MTHFS: variants seen among roughly 807,000 people sequenced by gnomAD.
The protein encoded by MTHFS is methenyltetrahydrofolate synthetase, also known as 5-formyltetrahydrofolate cyclo-ligase.
In MTHFS, 7 loss-of-function variants were observed where a neutral mutation model predicts 12.7. That is an observed-to-expected ratio of 0.55 (90% confidence interval 0.31 to 1.03). The LOEUF (loss-of-function observed/expected upper bound fraction) is 1.03. Among genes scored for constraint, MTHFS ranks in the 50% least tolerant of loss-of-function variants. MTHFS has a pLI of 0.05. For missense variants in MTHFS, 252 were observed against 258.1 expected (o/e 0.98, Z 0.16); for synonymous variants, 100 against 97.1 (o/e 1.03, Z -0.18).
At position 79,864,840 on chromosome 15, in the gene MTHFS, C is replaced by T. The variant is rs546335501; in HGVS notation, c.380-19398G>A. 1.1e-4 allele frequency among the ~76,000 whole-genome samples: 17 copies of T among 152,266 alleles called. No homozygotes were observed. In the East Asian group the frequency reaches 1.7e-3, roughly 16 times the overall value. On this transcript the variant is annotated intron_variant, in intron 2 of 2. Coordinates refer to ENST00000258874, the MANE Select transcript of MTHFS (RefSeq NM_006441.4). Reference sequence around the variant, plus strand: ...ACATAATTGATCACTGGGCTCAGCTCCTGATTTTCATTTGCCTAATTCTGA... The same window carrying T: ...ACATAATTGATCACTGGGCTCAGCTTCTGATTTTCATTTGCCTAATTCTGA...
chr15:79,894,217 C>T (rs2034525934), intron 1 of MTHFS, among the ~76,000 whole-genome samples: 2 of 152,074 alleles, frequency 1.3e-5, no homozygotes, highest in African/African-American at 4.8e-5. Flanking sequence ...CCCGTCTCTA[C>T]TAAAAATAGA....
intron 2 of MTHFS, among the ~76,000 whole-genome samples, chr15:79,857,655 C>T (rs1241617377): frequency 1.3e-5 from 2 of 152,100 alleles, no homozygotes; most frequent in African/African-American, 4.8e-5. Context: ...TTCCAAGTGC[C>T]TTTTCACTGC....
intron 1 of MTHFS, among the ~76,000 whole-genome samples, chr15:79,892,820 G>A (rs28600988): frequency 0.022 from 3,379 of 152,008 alleles, 120 homozygotes; most frequent in African/African-American, 0.077. Flanking sequence ...GCATAGTGGC[G>A]CGCACCTGTA....
At chr15:79,884,589 G>A (rs533853841) in intron 2 of MTHFS, among the ~76,000 whole-genome samples, 17 of 152,286 alleles carry the variant, frequency 1.1e-4, no homozygotes, top group African/African-American at 4.1e-4. Context: ...TGGAATTAGA[G>A]AAAGACAGGT....
At chr15:79,858,211 G>A (rs1179226714) in intron 2 of MTHFS, among the ~76,000 whole-genome samples, 1 of 152,058 alleles carries the variant, frequency 6.6e-6, no homozygotes, top group Non-Finnish European at 1.5e-5. Context: ...TGCCCTCTAG[G>A]ACCTAACAAC....
At chr15:79,894,350 C>A (rs1465197900) in intron 1 of MTHFS, among the ~76,000 whole-genome samples, 1 of 152,048 alleles carries the variant, frequency 6.6e-6, no homozygotes, top group African/African-American at 2.4e-5. Context: ...CACCGCACTC[C>A]AGCCTGGGCG....
intron 2 of MTHFS, among the ~76,000 whole-genome samples, chr15:79,870,656 T>C (rs996986933): frequency 5.9e-5 from 9 of 152,122 alleles, no homozygotes; most frequent in Non-Finnish European, 5.9e-5. Context: ...AAAGAAGATA[T>C]GCTATAACAG....
chr15:79,864,547 C>CAAAAAAAAAAAAAAAAAAA (rs58698908), intron 2 of MTHFS, among the ~76,000 whole-genome samples: 3 of 64,512 alleles, frequency 4.7e-5, no homozygotes, highest in African/African-American at 1.5e-4. Context: ...TCCATCTCAA[C>CAAAAAAAAAAAAAAAAAAA]AAAAAAAAAA....
At chr15:79,845,480 T>C (rs2033596217) in intron 2 of MTHFS, 38 bp from the exon 3 acceptor site, 4 of 1,590,170 alleles carry the variant, frequency 2.5e-6, no homozygotes. Flanking sequence ...GGATTAATTG[T>C]TTCTGAAAGA....
chr15:79,892,466 T>G (rs1402027162), intron 1 of MTHFS, among the ~76,000 whole-genome samples: 5 of 152,148 alleles, frequency 3.3e-5, no homozygotes, highest in Non-Finnish European at 7.4e-5. Context: ...ATACAGAAAT[T>G]AGAAATATGC....
rs142864186 is a variant in MTHFS, at chr15:79,887,147, C to A, written c.379+1946G>T. Among the ~76,000 whole-genome samples, 9 of 152,244 alleles carry A rather than the reference C, an allele frequency of 5.9e-5. No homozygotes were observed. The East Asian group carries it at 1.4e-3, about 23-fold the overall frequency. ...TACTGAGGCAGGAGAATCACTTGAACCCAGGCGGTGGAAGTTGCAGTGAGC... is the reference window on the plus strand; with the variant it reads ...TACTGAGGCAGGAGAATCACTTGAAACCAGGCGGTGGAAGTTGCAGTGAGC... On this transcript the variant is annotated intron_variant, in intron 2 of 2. Transcript: ENST00000258874.
chr15:79,853,801 T>C (rs978590504), intron 2 of MTHFS, among the ~76,000 whole-genome samples: 1 of 152,238 alleles, frequency 6.6e-6, no homozygotes, highest in African/African-American at 2.4e-5. Context: ...ACACGTGTGA[T>C]AGGAAAGCAT....
Position 79,848,956 on chromosome 15 carries a change from T to C in MTHFS, c.380-3514A>G, listed in dbSNP as rs962364619. 2.6e-5 allele frequency among the ~76,000 whole-genome samples: 4 copies of C among 152,160 alleles called. No individual in the cohort carries two copies. The East Asian group carries it at 7.7e-4, about 29-fold the overall frequency. On this transcript the variant is annotated intron_variant, in intron 2 of 2. Coordinates refer to ENST00000258874, the MANE Select transcript of MTHFS (RefSeq NM_006441.4). ...AGCATGACATCCTCTATTTTAATAA[T>C]TCCGAAGTACATAAATTTGGCTCAA...
chr15:79,847,998 T>G (rs1409866337), intron 2 of MTHFS, among the ~76,000 whole-genome samples: 11 of 152,222 alleles, frequency 7.2e-5, no homozygotes, highest in Admixed American at 7.2e-4. Context: ...ATCCCACTTC[T>G]GGGTATTTAT....
Position 79,883,145 on chromosome 15 carries a change from A to G in MTHFS, c.379+5948T>C, listed in dbSNP as rs867626819. On this transcript the variant is annotated intron_variant, in intron 2 of 2. Coordinates refer to ENST00000258874, the MANE Select transcript of MTHFS (RefSeq NM_006441.4). ...CTTGAGCCCAGAAGTTCAAGGTTAC[A>G]GTTAGCTATGATTACACCCCTGCAC... Among the ~76,000 whole-genome samples the G allele has an allele frequency of 3.3e-5, 5 of 152,358 alleles. No homozygotes were observed. In the Middle Eastern group the frequency reaches 0.014, roughly 415 times the overall value.
chr15:79,880,086 T>A (rs2034270582), intron 2 of MTHFS, among the ~76,000 whole-genome samples: 1 of 152,194 alleles, frequency 6.6e-6, no homozygotes, highest in Non-Finnish European at 1.5e-5. Context: ...TTTTTTCTTT[T>A]TAAGACGGAG....
chr15:79,871,963 G>A (rs548476984), intron 2 of MTHFS, among the ~76,000 whole-genome samples: 1 of 151,804 alleles, frequency 6.6e-6, no homozygotes, highest in East Asian at 1.9e-4. Flanking sequence ...AAATTAGCCG[G>A]GCATGGTGGT....
At position 79,896,872 on chromosome 15, in the gene MTHFS, C is replaced by T; in HGVS notation, c.117G>A (p.Lys39=). The T allele has an allele frequency of 1.3e-6, 2 of 1,542,880 alleles. No homozygotes were observed. Among genetic ancestry groups the T allele is most frequent in the South Asian group, 1.2e-5 (1 of 84,040 alleles). Reference sequence around the variant, plus strand: ...GCTTCCGCTACGGGCGGCCTCGCACCTTCTGGCTCAGTACGCGGGACTGGC... The same window carrying T: ...GCTTCCGCTACGGGCGGCCTCGCACTTTCTGGCTCAGTACGCGGGACTGGC... ...RLRQSRVLSQ[K]VIAHSEYQKS... is the part of the protein sequence containing the mutation. The change falls in exon 1 of 3, where the codon AAG becomes AAA. Residue 39 remains lysine, a splice_region_variant and synonymous_variant. Coordinates refer to ENST00000258874, the MANE Select transcript of MTHFS (RefSeq NM_006441.4).
intron 2 of MTHFS, among the ~76,000 whole-genome samples, chr15:79,879,321 C>CTTTTTTTTTTTTTTTTTTTTTT (rs565488885): frequency 1.3e-5 from 1 of 79,330 alleles, no homozygotes; most frequent in African/African-American, 5.4e-5. Flanking sequence ...AATTATTACC[C>CTTTTTTTTTTTTTTTTTTTTTT]TTTTTTTTTT....
Sources: allele counts gnomAD v4.1 joint callset (sites outside exome capture counted in the v4.1 genomes callset), GRCh38; gene constraint gnomAD v4.1.1; transcripts MANE v1.5; gene names NCBI Gene and HGNC (gene_info 2026-07-23, HGNC 2026-07-21).